The following SERPINB5 variants were observed in gnomAD, a reference collection of about 807,000 sequenced individuals.
SERPINB5 encodes the protein serpin B5.
SERPINB5 carries 27 observed loss-of-function variants against 32.2 expected under a neutral mutation model. The ratio of observed to expected loss-of-function variants is 0.84; its 90% CI spans 0.62 to 1.16. SERPINB5 has a LOEUF of 1.16. SERPINB5 is among the 50% of genes most tolerant of loss of function. The probability of loss-of-function intolerance (pLI) is 0.00; values close to 1 mark genes in which losing one functional copy is unlikely to be tolerated. For synonymous variants in SERPINB5, 154 were observed against 157.4 expected, an observed-to-expected ratio of 0.98 and a Z score of 0.16; for missense variants, 388 against 436.3, an observed-to-expected ratio of 0.89 and a Z score of 0.99.
chr18:63,499,063 A>G (rs546226159), intron 5 of SERPINB5, 57 bp from the exon 6 acceptor site: 2 of 818,658 alleles, frequency 2.4e-6, no homozygotes, highest in South Asian at 3.0e-5. Context: ...ATATATATAT[A>G]TATATTTATG....
rs1917226969 is a variant in SERPINB5 at position 63,487,060 on chromosome 18, G to C, written c.283G>C (p.Asp95His). 2.5e-6 allele frequency: 4 copies of C among 1,613,670 alleles called. No individual in the cohort carries two copies. Among genetic ancestry groups the C allele is most frequent in the Non-Finnish European group, 3.4e-6 (4 of 1,179,802 alleles). The change falls in exon 3 of 7, where the codon GAC (aspartate) becomes CAC (histidine). Residue 95 changes from aspartate to histidine, a missense_variant. Asp to His is a moderately conservative substitution (Grantham distance 81). Coordinates refer to ENST00000382771, the MANE Select transcript of SERPINB5 (RefSeq NM_002639.5). ...GAAACTAATCAAGCGGCTCTACGTA[G>C]ACAAATCTCTGAATCTTTCTACAGT... is the stretch of plus-strand genomic sequence containing the variant. ...SLKLIKRLYVDKSLNLSTEFI... is the reference protein window; with the variant it reads ...SLKLIKRLYVHKSLNLSTEFI...
At chr18:63,496,660 T>C (rs958629553) in intron 5 of SERPINB5, among the ~76,000 whole-genome samples, 2 of 152,252 alleles carry the variant, frequency 1.3e-5, no homozygotes, top group African/African-American at 4.8e-5. Context: ...GCAAGTTTAC[T>C]GGAGTATTAT....
rs543252763 is a variant in SERPINB5 at position 63,486,715 on chromosome 18, G to A, written c.169-231G>A. 4 of 376,082 alleles carry A rather than the reference G, an allele frequency of 1.1e-5. No homozygotes were observed. The East Asian group carries it at 1.6e-4, about 15-fold the overall frequency. 23.3% of individuals were successfully genotyped at this position (376,082 alleles called of 1,614,324 possible). A position where few individuals can be genotyped will look rare whatever the true frequency, so the allele number is the denominator to read the frequency against. ...CACAAATAGGAGGAGGATGCCACTG[G>A]CATCTAGTAGGTCAGCGATGCTGCT... On this transcript the variant is annotated intron_variant, in intron 2 of 6. Transcript: ENST00000382771.
chr18:63,502,843 A>T (rs554476660), intron 6 of SERPINB5, among the ~76,000 whole-genome samples: 21 of 152,116 alleles, frequency 1.4e-4, no homozygotes, highest in African/African-American at 4.8e-4. Flanking sequence ...ACATGATGAA[A>T]CCCTGTCTCT....
chr18:63,490,453 C>A (rs2144500378), intron 4 of SERPINB5, among the ~76,000 whole-genome samples: 1 of 152,204 alleles, frequency 6.6e-6, no homozygotes. Flanking sequence ...GTCCCCCTCC[C>A]CAGTGGATAT....
chr18:63,486,704 G>A, intron 2 of SERPINB5: 1 of 360,256 alleles, frequency 2.8e-6, no homozygotes, highest in Non-Finnish European at 5.0e-6. Context: ...AATAGGAGGA[G>A]GATGCCACTG....
chr18:63,482,936 TC>T (rs35873160), intron 1 of SERPINB5, among the ~76,000 whole-genome samples: 53,596 of 151,638 alleles, frequency 0.35, 10,618 homozygotes, highest in Non-Finnish European at 0.46. Context: ...TTTGCAAATC[TC>T]CTTAATATTT....
chr18:63,500,231 C>CT (rs58217010), intron 6 of SERPINB5, among the ~76,000 whole-genome samples: 11,973 of 139,894 alleles, frequency 0.086, 1,290 homozygotes, highest in African/African-American at 0.26. Context: ...CTATGCCTGG[C>CT]TTTTTTTTTT....
At chr18:63,493,467 G>A in intron 5 of SERPINB5, 1 of 459,808 alleles carries the variant, frequency 2.2e-6, no homozygotes, top group Non-Finnish European at 3.8e-6. Flanking sequence ...TTGACATCTA[G>A]GAATCTTGTT....
chr18:63,479,526 G>A (rs113139656), intron 1 of SERPINB5, among the ~76,000 whole-genome samples: 3,923 of 152,258 alleles, frequency 0.026, 79 homozygotes, highest in Middle Eastern at 0.048. Flanking sequence ...TACTTATCCT[G>A]TAGGACTCAC....
intron 5 of SERPINB5, among the ~76,000 whole-genome samples, chr18:63,497,562 A>G (rs541624270): frequency 6.6e-6 from 1 of 152,252 alleles, no homozygotes; most frequent in Non-Finnish European, 1.5e-5. Flanking sequence ...ATAATTTTAA[A>G]AAGACTTAGA....
chr18:63,482,502 T>G (rs887352353), intron 1 of SERPINB5, among the ~76,000 whole-genome samples: 1 of 152,212 alleles, frequency 6.6e-6, no homozygotes, highest in African/African-American at 2.4e-5. Flanking sequence ...TTCATTTCCC[T>G]TAGAAACATG....
intron 4 of SERPINB5, among the ~76,000 whole-genome samples, chr18:63,492,039 C>T (rs1200470919): frequency 6.6e-6 from 1 of 152,150 alleles, no homozygotes; most frequent in Non-Finnish European, 1.5e-5. Flanking sequence ...GGGTCCTTCA[C>T]ACAGGGGTCA....
At chr18:63,488,357 G>T (rs1917246117) in intron 3 of SERPINB5, among the ~76,000 whole-genome samples, 1 of 152,208 alleles carries the variant, frequency 6.6e-6, no homozygotes, top group South Asian at 2.1e-4. Context: ...GAACTTCCAT[G>T]CAACATCTGG....
At position 63,497,176 on chromosome 18, in the gene SERPINB5, A is replaced by G; in HGVS notation, c.568-1944A>G. Reference sequence around the variant, plus strand: ...TCTAGACCAGGTTGTCTCCTGGGACATTGACACCGCAGCCAAGTTTATTGG... The same window carrying G: ...TCTAGACCAGGTTGTCTCCTGGGACGTTGACACCGCAGCCAAGTTTATTGG... On this transcript the variant is annotated intron_variant, in intron 5 of 6. Coordinates refer to ENST00000382771, the MANE Select transcript of SERPINB5 (RefSeq NM_002639.5). 4.5e-6 allele frequency: 3 copies of G among 666,072 alleles called. No homozygotes were observed. In the Admixed American group the frequency reaches 5.4e-5, roughly 12 times the overall value. 41.3% of individuals were successfully genotyped at this position (666,072 alleles called of 1,614,324 possible).
In SERPINB5 at chr18:63,492,990, C is replaced by T. The variant is rs770435771; in HGVS notation, c.462C>T (p.Asn154=). The part of the protein sequence containing the change: ...FENILADNSV[N]DQTKILVVNA... ...ACATTTTAGCTGACAACAGTGTGAA[C>T]GACCAGACCAAAATCCTTGTGGTTA... Residue 154 remains asparagine (N), a synonymous_variant, in exon 5 of 7, where the codon AAC becomes AAT. Transcript: ENST00000382771. 65 of 1,613,980 alleles carry T rather than the reference C, an allele frequency of 4.0e-5. No individual in the cohort carries two copies. Among genetic ancestry groups the T allele is most frequent in the Non-Finnish European group, 5.2e-5 (61 of 1,179,996 alleles).
chr18:63,482,669 C>G (rs1187358237), intron 1 of SERPINB5, among the ~76,000 whole-genome samples: 2 of 151,658 alleles, frequency 1.3e-5, no homozygotes, highest in Non-Finnish European at 2.9e-5. Flanking sequence ...AACAGTGAAG[C>G]TTTTTAAATC....
chr18:63,503,911 G>A lies in SERPINB5; in HGVS notation c.*189G>A, dbSNP rs1407739431. 1 of 581,840 alleles carries A rather than the reference G, an allele frequency of 1.7e-6. No individual in the cohort carries two copies. The highest frequency in any genetic ancestry group is 2.0e-5 in the African/African-American group (1 of 51,138). 36.0% of individuals were successfully genotyped at this position (581,840 alleles called of 1,614,324 possible). A position where few individuals can be genotyped will look rare whatever the true frequency, so the allele number is the denominator to read the frequency against. On this transcript the variant is annotated 3_prime_UTR_variant, in exon 7 of 7. Transcript: ENST00000382771. ...TTTTTTTTTTCCAATTCTATCTTTT[G>A]TTTCCTTTTTTCCCATAAGACAATG...
intron 5 of SERPINB5, among the ~76,000 whole-genome samples, chr18:63,494,373 A>G (rs1008455429): frequency 6.6e-6 from 1 of 151,876 alleles, no homozygotes; most frequent in Non-Finnish European, 1.5e-5. Flanking sequence ...TCTTTTGTAA[A>G]TGAGATCAAG....
Sources: allele counts gnomAD v4.1 joint callset (sites outside exome capture counted in the v4.1 genomes callset), GRCh38; gene constraint gnomAD v4.1.1; transcripts MANE v1.5; gene names NCBI Gene and HGNC (gene_info 2026-07-23, HGNC 2026-07-21).